Variants in OTOA observed in about 807,000 individuals in gnomAD.
OTOA encodes cancer/testis antigen 108.
Under a neutral mutation model 110.8 loss-of-function variants are expected in OTOA, and 70 were observed. The observed-to-expected ratio is 0.63, with a 90% CI of 0.52 to 0.77. OTOA has a LOEUF of 0.77. Among genes scored for constraint, OTOA ranks in the 30% least tolerant of loss-of-function variants. The pLI, the probability that OTOA is intolerant of heterozygous loss-of-function variation, is 0.00. For synonymous variants in OTOA, 373 were observed against 431.5 expected (o/e 0.86, Z 1.68); for missense variants, 917 against 1,075.8 (o/e 0.85, Z 2.06).
chr16:21,680,726 G>A (rs540598583), intron 5 of OTOA, among the ~76,000 whole-genome samples: 1 of 151,502 alleles, frequency 6.6e-6, no homozygotes, highest in Admixed American at 6.6e-5. Context: ...GGTGGTGCAC[G>A]CCTGTAATTC....
At chr16:21,715,357 A>G (rs1276780700) in intron 14 of OTOA, among the ~76,000 whole-genome samples, 1 of 150,152 alleles carries the variant, frequency 6.7e-6, no homozygotes, top group Admixed American at 6.6e-5. Flanking sequence ...TTCTTCCCAG[A>G]CCCCTTTGTT....
intron 1 of OTOA, among the ~76,000 whole-genome samples, chr16:21,666,964 C>A (rs371341346): frequency 1.3e-5 from 2 of 152,188 alleles, no homozygotes; most frequent in African/African-American, 4.8e-5. Flanking sequence ...GCAAAGAGCA[C>A]AAGAAGCCAC....
chr16:21,704,351 AC>A (rs774400894), intron 11 of OTOA, among the ~76,000 whole-genome samples: 5 of 152,132 alleles, frequency 3.3e-5, no homozygotes, highest in Non-Finnish European at 7.3e-5. Flanking sequence ...GGCTACCGGC[AC>A]CTTTCTTTCC....
At chr16:21,731,270 T>C (rs1899108439) in intron 21 of OTOA, among the ~76,000 whole-genome samples, 1 of 152,270 alleles carries the variant, frequency 6.6e-6, no homozygotes, top group African/African-American at 2.4e-5. Flanking sequence ...TGCACATGTA[T>C]GTCCAGTGTA....
intron 1 of OTOA, among the ~76,000 whole-genome samples, chr16:21,670,171 G>A (rs1399555104): frequency 6.6e-6 from 1 of 151,428 alleles, no homozygotes; most frequent in African/African-American, 2.4e-5. Context: ...CATCCATCCT[G>A]GCTAATATCC....
Position 21,684,190 on chromosome 16 carries a change from C to T in OTOA, c.268-1040C>T, listed in dbSNP as rs540990225. ...ATTTAACTGAGCATCCTGTATTTTA[C>T]CCAGCAACCCTAGTTAAGTAACTCG... On this transcript the variant is annotated intron_variant, in intron 6 of 28. Transcript: ENST00000646100. Among the ~76,000 whole-genome samples, 9 of 152,092 alleles carry T rather than the reference C, an allele frequency of 5.9e-5. 1 individual carries two copies. In the East Asian group the frequency reaches 1.5e-3, roughly 26 times the overall value.
At chr16:21,734,603 G>A (rs1188457598) in intron 21 of OTOA, among the ~76,000 whole-genome samples, 2 of 152,228 alleles carry the variant, frequency 1.3e-5, no homozygotes, top group African/African-American at 2.4e-5. Flanking sequence ...TTGGGAGGCC[G>A]AGGCGGGCAG....
rs1898918662 is a variant in OTOA, at chr16:21,726,440, C to T, written c.1881-83C>T. On this transcript the variant is annotated intron_variant, in intron 18 of 28. Transcript: ENST00000646100. ...ATTTAAAGAATGTCTTTGGGATGAG[C>T]TCTTGGGCAGGCGGACCCTGATTTT... 17 of 1,565,064 alleles carry T rather than the reference C, an allele frequency of 1.1e-5. No homozygotes were observed. In the South Asian group the frequency reaches 1.9e-4, roughly 17 times the overall value.
rs746991254 is a variant in OTOA at position 21,752,331 on chromosome 16, A to G, written c.2919-38A>G. 7.8e-6 allele frequency: 5 copies of G among 638,082 alleles called. No individual in the cohort carries two copies. The African/African-American group carries it at 8.8e-5, about 11-fold the overall frequency. 39.5% of individuals were successfully genotyped at this position (638,082 alleles called of 1,614,324 possible). A position where few individuals can be genotyped will look rare whatever the true frequency, so the allele number is the denominator to read the frequency against. ...TGTTTGTTTTTGGCTGAAGAGTCCA[A>G]GCTCATATTATATCCCTCCCTCTTT... On this transcript the variant is annotated intron_variant, in intron 25 of 28. Transcript: ENST00000646100.
At chr16:21,750,525 T>C (rs1366201833) in intron 24 of OTOA, among the ~76,000 whole-genome samples, 1 of 55,530 alleles carries the variant, frequency 1.8e-5, no homozygotes, top group East Asian at 3.6e-4. Flanking sequence ...GGAATCTGTC[T>C]CTTATCATGT....
At chr16:21,756,279 A>G (rs1188849155) in intron 27 of OTOA, among the ~76,000 whole-genome samples, 4 of 151,490 alleles carry the variant, frequency 2.6e-5, no homozygotes, top group Non-Finnish European at 4.4e-5. Flanking sequence ...AGAATTTCCA[A>G]CTCATGTTGT....
intron 21 of OTOA, among the ~76,000 whole-genome samples, chr16:21,735,255 T>C (rs1282341171): frequency 6.6e-6 from 1 of 151,882 alleles, no homozygotes; most frequent in African/African-American, 2.4e-5. Flanking sequence ...TCAGGAAACT[T>C]ACAATCATGG....
chr16:21,684,550 C>A (rs764130349), intron 6 of OTOA: 25 of 1,549,106 alleles, frequency 1.6e-5, no homozygotes, highest in Non-Finnish European at 2.2e-5. Context: ...CTACAGGGAC[C>A]AGGCAGGCCA....
At chr16:21,667,168 A>G (rs977454589) in intron 1 of OTOA, among the ~76,000 whole-genome samples, 5 of 152,192 alleles carry the variant, frequency 3.3e-5, no homozygotes, top group Non-Finnish European at 5.9e-5. Context: ...GTGCTTTGGG[A>G]TCAGGTTTGC....
chr16:21,693,093 AAAAC>A lies in OTOA; in HGVS notation c.739+1418_739+1421del, dbSNP rs1450074062. Reference sequence around the variant, plus strand: ...AACATGGCAAAACTCTGTCTTTACCAAAACAAACAAACAAAAAAACAAAAGCCAG... The same window carrying A: ...AACATGGCAAAACTCTGTCTTTACCAAAACAAACAAAAAAACAAAAGCCAG... On this transcript the variant is annotated intron_variant, in intron 9 of 28. Coordinates refer to ENST00000646100, the MANE Select transcript of OTOA (RefSeq NM_144672.4). 7.2e-5 allele frequency among the ~76,000 whole-genome samples: 11 copies of A among 152,190 alleles called. No homozygotes were observed. In the East Asian group the frequency reaches 2.1e-3, roughly 29 times the overall value.
rs1276589867 is a variant in OTOA, at chr16:21,678,503, A to G, written c.-4-8A>G. On this transcript the variant is annotated splice_region_variant and splice_polypyrimidine_tract_variant and intron_variant, in intron 1 of 28. Coordinates refer to ENST00000646100, the MANE Select transcript of OTOA (RefSeq NM_144672.4). ...CATGAATCACTTCTATGCTTAAATT[A>G]ACTACAGGAGAATGTCTCAGGAACC... 5 of 1,602,240 alleles carry G rather than the reference A, an allele frequency of 3.1e-6. No individual in the cohort carries two copies. The highest frequency in any genetic ancestry group is 4.3e-6 in the Non-Finnish European group (5 of 1,170,042).
intron 1 of OTOA, among the ~76,000 whole-genome samples, chr16:21,668,393 C>T (rs1966844714): frequency 6.6e-6 from 1 of 151,776 alleles, no homozygotes; most frequent in Non-Finnish European, 1.5e-5. Context: ...AGGTGTGAGC[C>T]ACTGTGCCTG....
At chr16:21,686,289 C>CT (rs34034416) in intron 7 of OTOA, among the ~76,000 whole-genome samples, 6,681 of 140,608 alleles carry the variant, frequency 0.048, 190 homozygotes, top group African/African-American at 0.072. Flanking sequence ...AAAATGGAGG[C>CT]TTTTTTTTTT....
chr16:21,717,155 A>T, intron 15 of OTOA, 108 bp downstream of exon 15: 1 of 1,470,964 alleles, frequency 6.8e-7, no homozygotes, highest in Non-Finnish European at 9.4e-7. Flanking sequence ...TTTCTGTGGG[A>T]TTAGTATAGG....
Sources: gnomAD v4.1 joint callset for allele counts (sites outside exome capture counted in the v4.1 genomes callset) on GRCh38, gnomAD v4.1.1 for gene constraint, MANE v1.5 for transcripts, NCBI Gene and HGNC (gene_info 2026-07-23, HGNC 2026-07-21) for gene names.